Variants in DPPA4 observed in about 807,000 individuals in gnomAD.
DPPA4 encodes developmental pluripotency associated 4, also known as developmental pluripotency-associated protein 4.
In DPPA4, 22 loss-of-function variants were observed where a neutral mutation model predicts 33.7. The observed-to-expected ratio is 0.65, with a 90% CI of 0.47 to 0.93. The LOEUF (loss-of-function observed/expected upper bound fraction) is 0.93. Ranked by LOEUF, DPPA4 falls within the 40% of genes least tolerant of loss-of-function variation. The pLI is 0.00. For synonymous variants in DPPA4, 156 were observed against 132.3 expected (o/e 1.18, Z -1.23); for missense variants, 340 against 358.6 (o/e 0.95, Z 0.42).
At chr3:109,331,632 G>A in intron 4 of DPPA4, 102 bp downstream of exon 4, 1 of 915,580 alleles carries the variant, frequency 1.1e-6, no homozygotes, top group South Asian at 1.6e-5. Flanking sequence ...AGAACTAGGG[G>A]TGGAGGAACA....
chr3:109,330,953 A>T, intron 4 of DPPA4, 141 bp from the exon 5 acceptor site: 2 of 828,654 alleles, frequency 2.4e-6, no homozygotes, highest in East Asian at 5.4e-5. Flanking sequence ...TGGTAACTAT[A>T]CATAGTTAAT....
At chr3:109,332,104 CTTTT>C (rs571043981) in intron 2 of DPPA4, 73 bp from the exon 3 acceptor site, 11 of 1,301,566 alleles carry the variant, frequency 8.5e-6, no homozygotes, top group Non-Finnish European at 1.0e-5. Flanking sequence ...AGTAAAATCA[CTTTT>C]TTTTTCTTTT....
At chr3:109,337,410 G>A in intron 1 of DPPA4, 54 bp downstream of exon 1, 1 of 1,549,216 alleles carries the variant, frequency 6.5e-7, no homozygotes, top group South Asian at 1.1e-5. Context: ...AGTGCCCAGG[G>A]AAGACAGAAA....
upstream of DPPA4, among the ~76,000 whole-genome samples, chr3:109,338,541 G>A (rs1559712475): frequency 6.6e-6 from 1 of 151,494 alleles, no homozygotes; most frequent in African/African-American, 2.4e-5. Flanking sequence ...TTACTTTGTT[G>A]TTTTTTTTTC....
chr3:109,332,030 C>A lies in DPPA4; in HGVS notation c.180G>T (p.Val60=), dbSNP rs1341854512. 13 of 1,600,596 alleles carry A rather than the reference C, an allele frequency of 8.1e-6. No homozygotes were observed. The highest frequency in any genetic ancestry group is 1.1e-5 in the Non-Finnish European group (13 of 1,173,160). The change falls in exon 3 of 7, where the codon GTG becomes GTT. Residue 60 remains valine, a splice_region_variant and synonymous_variant. Transcript: ENST00000335658. ...GCTCTGCCTTTTTCTTAGGGCAGAG[C>A]ACTGAAGCAGAATGGAATCAAATGA... The part of the protein sequence containing the change: ...KEKMSIKGSK[V]LCPKKKAEHT...
chr3:109,333,829 G>A (rs749748921), intron 2 of DPPA4, 41 bp downstream of exon 2: 1 of 1,605,270 alleles, frequency 6.2e-7, no homozygotes, highest in East Asian at 2.2e-5. Flanking sequence ...TGGCTTCTAA[G>A]ACCCGAGAAG....
intron 2 of DPPA4, 124 bp from the exon 3 acceptor site, chr3:109,332,155 G>T: frequency 1.2e-6 from 1 of 836,326 alleles, no homozygotes; most frequent in Non-Finnish European, 1.8e-6. Flanking sequence ...CGGCTGGAGT[G>T]CAGTGGCGCG....
rs3762648 is a variant in DPPA4, at chr3:109,333,885, T to C, written c.163A>G (p.Ile55Val). The C allele has an allele frequency of 0.48, 771,547 of 1,613,012 alleles. 189,227 individuals are homozygous for C. Among genetic ancestry groups the C allele is most frequent in the East Asian group, 0.73 (32,605 of 44,840 alleles). Residue 55 changes from isoleucine (I) to valine (V), a missense_variant, in exon 2 of 7, where the codon ATC (isoleucine) becomes GTC (valine). Transcript: ENST00000335658. The part of the protein sequence containing the change: ...SAKRTKEKMS[I>V]KGSKVLCPKK... The stretch of plus-strand genomic sequence containing the variant: ...GACCTCTTACCTTTACTGCCTTTGA[T>C]AGACATTTTTTCTTTGGTTCTCTTT...
chr3:109,333,410 T>C (rs961628400), intron 2 of DPPA4: 3 of 152,438 alleles, frequency 2.0e-5, no homozygotes, highest in African/African-American at 7.3e-5. Flanking sequence ...TAGTAGGGTT[T>C]ACTCTGTACA....
chr3:109,334,086 C>A, intron 1 of DPPA4, 93 bp from the exon 2 acceptor site: 1 of 1,434,294 alleles, frequency 7.0e-7, no homozygotes, highest in Non-Finnish European at 9.5e-7. Context: ...AAGGCACCAA[C>A]GCAGTTACTG....
At chr3:109,336,751 C>T (rs1364365793) in intron 1 of DPPA4, among the ~76,000 whole-genome samples, 2 of 152,124 alleles carry the variant, frequency 1.3e-5, no homozygotes, top group Non-Finnish European at 2.9e-5. Context: ...GCGGCGGGCG[C>T]CTGCAGTCCC....
intron 2 of DPPA4, 150 bp downstream of exon 2, chr3:109,333,720 G>GA: frequency 1.2e-6 from 1 of 856,066 alleles, no homozygotes; most frequent in South Asian, 1.7e-5. Context: ...GATGCTTCAG[G>GA]AAGGTAACAG....
chr3:109,330,326 A>AAG, intron 5 of DPPA4, 198 bp downstream of exon 5: 8 of 361,050 alleles, frequency 2.2e-5, no homozygotes, highest in South Asian at 4.9e-5. Context: ...AAAAAAAAAA[A>AAG]AAAAAGGAAA....
At position 109,333,916 on chromosome 3, in the gene DPPA4, T is replaced by C; in HGVS notation, c.132A>G (p.Thr44=). 3 of 1,614,154 alleles carry C rather than the reference T, an allele frequency of 1.9e-6. No homozygotes were observed. The highest frequency in any genetic ancestry group is 2.5e-6 in the Non-Finnish European group (3 of 1,179,982). The change falls in exon 2 of 7, where the codon ACA becomes ACG. Residue 44 remains threonine, a synonymous_variant. Coordinates refer to ENST00000335658, the MANE Select transcript of DPPA4 (RefSeq NM_018189.4). ...NQPNSIALPG[T]SAKRTKEKMS... ...TTTTTTCTTTGGTTCTCTTTGCTGATGTTCCTGGCAAAGCAATTGAATTTG... is the reference window on the plus strand; with the variant it reads ...TTTTTTCTTTGGTTCTCTTTGCTGACGTTCCTGGCAAAGCAATTGAATTTG...
At position 109,327,959 on chromosome 3, in the gene DPPA4, A is replaced by G; in HGVS notation, c.*29T>C. The G allele has an allele frequency of 1.3e-6, 2 of 1,502,794 alleles. No individual in the cohort carries two copies. Among genetic ancestry groups the G allele is most frequent in the South Asian group, 2.3e-5 (2 of 88,268 alleles). The allele number at this position is 1,502,794 out of a possible 1,614,324, so 93.1% of individuals were successfully genotyped here. A position where few individuals can be genotyped will look rare whatever the true frequency, so the allele number is the denominator to read the frequency against. On this transcript the variant is annotated 3_prime_UTR_variant, in exon 7 of 7. Transcript: ENST00000335658. ...CTCTCCAGCTTTTCTGCCATTAATT[A>G]CCATAGATGTGGCCTTTTTCCTGAT...
chr3:109,337,545 T>C lies in DPPA4; in HGVS notation c.-28A>G, dbSNP rs1223741621. 6 of 1,612,814 alleles carry C rather than the reference T, an allele frequency of 3.7e-6. No homozygotes were observed. In the African/African-American group the frequency reaches 5.3e-5, roughly 14 times the overall value. ...TTCCAAAATGGCCCCTGCCCCAAGA[T>C]TGCTATTTGCAAAGTCTCCTCCCAC... On this transcript the variant is annotated 5_prime_UTR_variant, in exon 1 of 7. Transcript: ENST00000335658.
At chr3:109,332,089 T>G (rs2107346355) in intron 2 of DPPA4, 58 bp from the exon 3 acceptor site, 2 of 1,445,644 alleles carry the variant, frequency 1.4e-6, no homozygotes, top group Admixed American at 2.2e-5. Flanking sequence ...TTTCTGAATT[T>G]CAAAAGTAAA....
chr3:109,326,853 C>G lies in DPPA4; in HGVS notation c.*1135G>C, dbSNP rs1458102198. 1 of 152,150 alleles carries G rather than the reference C, an allele frequency of 6.6e-6. No homozygotes were observed. Among genetic ancestry groups the G allele is most frequent in the Non-Finnish European group, 1.5e-5 (1 of 68,026 alleles). The allele number at this position is 152,150 out of a possible 1,614,324, so 9.4% of individuals were successfully genotyped here. On this transcript the variant is annotated 3_prime_UTR_variant, in exon 7 of 7. Transcript: ENST00000335658. The stretch of plus-strand genomic sequence containing the variant: ...CAAACGAGTCATACAAAAGAAAAAT[C>G]ACACTTTTTGGTTTACTCCTACTTG...
At chr3:109,332,065 A>G (rs541499336) in intron 2 of DPPA4, 34 bp from the exon 3 acceptor site, 11 of 1,508,854 alleles carry the variant, frequency 7.3e-6, no homozygotes, top group East Asian at 2.3e-5. Context: ...AGTAGTAATT[A>G]TCTTTGTGTA....
Sources: gnomAD v4.1 joint callset for allele counts (sites outside exome capture counted in the v4.1 genomes callset) on GRCh38, gnomAD v4.1.1 for gene constraint, MANE v1.5 for transcripts, NCBI Gene and HGNC (gene_info 2026-07-23, HGNC 2026-07-21) for gene names.